AK4: variants seen among roughly 807,000 people sequenced by gnomAD.
AK4 encodes adenylate kinase 4, mitochondrial.
In AK4, 13 loss-of-function variants were observed where a neutral mutation model predicts 24.6. The observed-to-expected ratio is 0.53, with a 90% CI of 0.34 to 0.84. AK4 has a LOEUF of 0.84. AK4 is among the 40% of genes least tolerant of loss of function. The pLI, the probability that AK4 is intolerant of heterozygous loss-of-function variation, is 0.01. For synonymous variants in AK4, 88 were observed against 107.0 expected (o/e 0.82, Z 1.10); for missense variants, 192 against 288.2 (o/e 0.67, Z 2.42).
intron 1 of AK4, among the ~76,000 whole-genome samples, chr1:65,177,212 A>G (rs867531823): frequency 2.4e-4 from 36 of 148,104 alleles, no homozygotes; most frequent in African/African-American, 8.3e-4. Flanking sequence ...TGTATTCCAT[A>G]TGAGGTCTCT....
chr1:65,166,617 G>T (rs1388777811), intron 1 of AK4, among the ~76,000 whole-genome samples: 1 of 152,070 alleles, frequency 6.6e-6, no homozygotes, highest in Admixed American at 6.5e-5. Flanking sequence ...CAACCTCCCA[G>T]ACTCTAGCAA....
chr1:65,197,782 C>T (rs904887023), intron 2 of AK4, among the ~76,000 whole-genome samples: 1 of 152,182 alleles, frequency 6.6e-6, no homozygotes, highest in Non-Finnish European at 1.5e-5. Context: ...GAGGCTAGTA[C>T]ATAACAACTC....
chr1:65,155,452 G>A (rs1338351836), intron 1 of AK4, among the ~76,000 whole-genome samples: 3 of 152,096 alleles, frequency 2.0e-5, no homozygotes, highest in South Asian at 2.1e-4. Flanking sequence ...CATCCTGGAC[G>A]GCAGAGCAAG....
rs971654085 is a variant in AK4, at chr1:65,225,602, T to A, written c.558-461T>A. Among the ~76,000 whole-genome samples the A allele has an allele frequency of 3.9e-5, 6 of 152,174 alleles. No homozygotes were observed. In the South Asian group the frequency reaches 1.2e-3, roughly 32 times the overall value. Reference sequence around the variant, plus strand: ...TGCTGAGTGCATTCAAAACAGCAGTTTATACTCTGTTACAATCACTTTCTG... The same window carrying A: ...TGCTGAGTGCATTCAAAACAGCAGTATATACTCTGTTACAATCACTTTCTG... On this transcript the variant is annotated intron_variant, in intron 4 of 4. Coordinates refer to ENST00000327299, the MANE Select transcript of AK4 (RefSeq NM_013410.4).
chr1:65,207,150 T>C (rs1651836106), intron 2 of AK4, among the ~76,000 whole-genome samples: 1 of 152,190 alleles, frequency 6.6e-6, no homozygotes, highest in African/African-American at 2.4e-5. Context: ...GATCACCAAG[T>C]AGTGATTGTA....
intron 3 of AK4, 125 bp downstream of exon 3, chr1:65,219,051 T>G: frequency 3.2e-6 from 2 of 623,432 alleles, no homozygotes; most frequent in Non-Finnish European, 2.5e-6. Context: ...CCAAAAAACA[T>G]TTTTTAAATG....
intron 2 of AK4, among the ~76,000 whole-genome samples, chr1:65,207,062 T>C (rs575083380): frequency 6.6e-6 from 1 of 152,360 alleles, no homozygotes; most frequent in East Asian, 1.9e-4. Context: ...ATCTTTTATT[T>C]CCCTAAGCCT....
intron 2 of AK4, among the ~76,000 whole-genome samples, chr1:65,197,964 A>G (rs1435870753): frequency 6.6e-6 from 1 of 152,206 alleles, no homozygotes; most frequent in Non-Finnish European, 1.5e-5. Context: ...AGTCTAGGGT[A>G]TCTTTCAAGA....
intron 2 of AK4, among the ~76,000 whole-genome samples, chr1:65,217,886 C>T (rs762257203): frequency 2.0e-5 from 3 of 152,100 alleles, no homozygotes; most frequent in African/African-American, 7.2e-5. Context: ...CCAGCTTTAT[C>T]GCGGTATACT....
Position 65,148,568 on chromosome 1 carries a change from G to A in AK4, c.145+16G>A, listed in dbSNP as rs1373918074. 2 of 1,590,202 alleles carry A rather than the reference G, an allele frequency of 1.3e-6. No homozygotes were observed. Among genetic ancestry groups the A allele is most frequent in the East Asian group, 2.3e-5 (1 of 43,774 alleles). ...GCCAGCACCGGTGAGGGGCTGCGGG[G>A]ACGAGGGCCGGGGGCGAGCCGCGTT... On this transcript the variant is annotated intron_variant, in intron 1 of 4. Transcript: ENST00000327299.
intron 1 of AK4, among the ~76,000 whole-genome samples, chr1:65,179,200 A>G (rs1650818311): frequency 6.6e-6 from 1 of 152,214 alleles, no homozygotes; most frequent in Admixed American, 6.5e-5. Flanking sequence ...ACAGAGCAGG[A>G]CCAGGTATTT....
At chr1:65,183,086 A>G (rs1401028121) in intron 1 of AK4, among the ~76,000 whole-genome samples, 1 of 152,234 alleles carries the variant, frequency 6.6e-6, no homozygotes, top group Non-Finnish European at 1.5e-5. Context: ...AATAAATATT[A>G]GCTGAATGAG....
At chr1:65,178,100 G>T (rs1650778144) in intron 1 of AK4, among the ~76,000 whole-genome samples, 1 of 152,176 alleles carries the variant, frequency 6.6e-6, no homozygotes, top group African/African-American at 2.4e-5. Flanking sequence ...TAATTTGTAG[G>T]GTCCTGTGGA....
rs564944065 is a variant in AK4 at position 65,148,211 on chromosome 1, T to C, written c.-197T>C. 28 of 1,204,956 alleles carry C rather than the reference T, an allele frequency of 2.3e-5. No individual in the cohort carries two copies. In the South Asian group the frequency reaches 4.8e-4, roughly 21 times the overall value. 74.6% of individuals were successfully genotyped at this position (1,204,956 alleles called of 1,614,324 possible). On this transcript the variant is annotated 5_prime_UTR_variant, in exon 1 of 5. Transcript: ENST00000327299. ...GGTGTAGCGTGGCGCTCAGTCCGCCTGCTACTCGGTCCCGGCGCTGGGCTG... is the reference window on the plus strand; with the variant it reads ...GGTGTAGCGTGGCGCTCAGTCCGCCCGCTACTCGGTCCCGGCGCTGGGCTG...
intron 1 of AK4, among the ~76,000 whole-genome samples, chr1:65,155,043 G>A (rs1471190648): frequency 1.3e-5 from 2 of 151,604 alleles, no homozygotes; most frequent in Non-Finnish European, 2.9e-5. Flanking sequence ...TAGAGACGGG[G>A]TTTCACCATG....
intron 2 of AK4, among the ~76,000 whole-genome samples, chr1:65,195,341 A>G (rs912311901): frequency 2.0e-5 from 3 of 152,166 alleles, no homozygotes; most frequent in Non-Finnish European, 2.9e-5. Flanking sequence ...TGGAGAGAAC[A>G]TTCAAACTAT....
intron 1 of AK4, among the ~76,000 whole-genome samples, chr1:65,185,219 A>G (rs529891412): frequency 6.6e-6 from 1 of 152,082 alleles, no homozygotes; most frequent in South Asian, 2.1e-4. Context: ...CCTGCGACCC[A>G]TGTAGGCACG....
chr1:65,204,647 A>C (rs962498315), intron 2 of AK4, among the ~76,000 whole-genome samples: 4 of 152,206 alleles, frequency 2.6e-5, no homozygotes, highest in African/African-American at 9.6e-5. Flanking sequence ...GGAGACTGAC[A>C]TATTTGTTTT....
chr1:65,213,637 G>C (rs540848724), intron 2 of AK4, among the ~76,000 whole-genome samples: 1 of 152,318 alleles, frequency 6.6e-6, no homozygotes, highest in South Asian at 2.1e-4. Context: ...CTCTCCATGT[G>C]CCCAGCACTT....
Sources: gnomAD v4.1 joint callset for allele counts (sites outside exome capture counted in the v4.1 genomes callset) on GRCh38, gnomAD v4.1.1 for gene constraint, MANE v1.5 for transcripts, NCBI Gene and HGNC (gene_info 2026-07-23, HGNC 2026-07-21) for gene names.